The following NLRP5 variants were observed in gnomAD, a reference collection of about 807,000 sequenced individuals.
NLRP5 encodes NLR family pyrin domain containing 5.
In NLRP5, 93 loss-of-function variants were observed where a neutral mutation model predicts 113.1. The ratio of observed to expected loss-of-function variants is 0.82; its 90% CI spans 0.70 to 0.98. The LOEUF is 0.98. NLRP5 is among the 50% of genes least tolerant of loss of function. The pLI is 0.00. For synonymous variants in NLRP5, 751 were observed against 600.7 expected (o/e 1.25, Z -3.66); for missense variants, 1,808 against 1,514.3 (o/e 1.19, Z -3.22).
At chr19:56,055,668 C>G (rs1984114580) in intron 13 of NLRP5, among the ~76,000 whole-genome samples, 1 of 150,808 alleles carries the variant, frequency 6.6e-6, no homozygotes, top group Non-Finnish European at 1.5e-5. Context: ...GCCTCAGCCT[C>G]CCAAGTAGCT....
chr19:56,009,270 G>A (rs1982083790), intron 3 of NLRP5, among the ~76,000 whole-genome samples: 3 of 140,208 alleles, frequency 2.1e-5, no homozygotes, highest in South Asian at 2.3e-4. Context: ...GACCCGGTAG[G>A]CAGAGGTTGC....
the NLRP5 span, among the ~76,000 whole-genome samples, chr19:55,993,451 CCCCCTCTCT>C: frequency 0.27 from 369 of 1,392 alleles, 132 homozygotes; most frequent in African/African-American, 0.36. Flanking sequence ...CCCTCCTCTC[CCCCCTCTCT>C]CCCCCCTCTC....
chr19:56,041,422 C>CT (rs1599903218), intron 11 of NLRP5, among the ~76,000 whole-genome samples: 2 of 152,248 alleles, frequency 1.3e-5, no homozygotes, highest in East Asian at 3.9e-4. Context: ...GGTTAGCTTC[C>CT]TGTGAACCTC....
intron 11 of NLRP5, among the ~76,000 whole-genome samples, chr19:56,048,089 C>T (rs1321958559): frequency 1.3e-5 from 2 of 152,140 alleles, no homozygotes; most frequent in Admixed American, 6.6e-5. Flanking sequence ...TTTTGTACCC[C>T]TTTACTTTAT....
chr19:56,036,615 C>T (rs1026216998), intron 9 of NLRP5, among the ~76,000 whole-genome samples: 4 of 152,182 alleles, frequency 2.6e-5, no homozygotes, highest in South Asian at 4.1e-4. Flanking sequence ...TGTGCACACA[C>T]ACGGCAGGAG....
the NLRP5 span, among the ~76,000 whole-genome samples, chr19:55,992,018 C>A: frequency 6.6e-6 from 1 of 152,210 alleles, no homozygotes; most frequent in South Asian, 2.1e-4. Flanking sequence ...TCTCACCCTC[C>A]TCCCACCCTC....
At chr19:56,046,801 G>A (rs1310505944) in intron 11 of NLRP5, among the ~76,000 whole-genome samples, 6 of 152,192 alleles carry the variant, frequency 3.9e-5, no homozygotes, top group African/African-American at 1.4e-4. Flanking sequence ...CAAAGTGCTG[G>A]GATCACAGGC....
chr19:55,996,000 C>G (rs1482911238), upstream of NLRP5, among the ~76,000 whole-genome samples: 12 of 151,330 alleles, frequency 7.9e-5, no homozygotes, highest in Admixed American at 8.0e-4. Flanking sequence ...TATGTTGATT[C>G]TGCAACTTTA....
At chr19:55,995,703 C>G (rs2123253192), upstream of NLRP5, among the ~76,000 whole-genome samples, 1 of 151,824 alleles carries the variant, frequency 6.6e-6, no homozygotes, top group East Asian at 1.9e-4. Context: ...TAACAACATT[C>G]TTCTAATCAG....
intron 11 of NLRP5, among the ~76,000 whole-genome samples, chr19:56,048,685 C>A (rs1983814521): frequency 6.6e-6 from 1 of 152,078 alleles, no homozygotes; most frequent in Non-Finnish European, 1.5e-5. Flanking sequence ...AAGCTGATGA[C>A]AATGTGCCTA....
chr19:56,030,871 A>G (rs1289392481), intron 7 of NLRP5, among the ~76,000 whole-genome samples: 4 of 149,848 alleles, frequency 2.7e-5, no homozygotes, highest in East Asian at 3.9e-4. Context: ...CCACCACCAC[A>G]CCCGGCTAAC....
At chr19:55,998,076 T>C (rs892585233), upstream of NLRP5, among the ~76,000 whole-genome samples, 2 of 152,158 alleles carry the variant, frequency 1.3e-5, no homozygotes. Context: ...AAAACATCTT[T>C]TCCTGGAGGG....
At chr19:56,030,084 A>T (rs1456197127) in intron 7 of NLRP5, among the ~76,000 whole-genome samples, 1 of 147,686 alleles carries the variant, frequency 6.8e-6, no homozygotes, top group Non-Finnish European at 1.5e-5. Flanking sequence ...AAATTATCAC[A>T]TGGGGCTGGG....
At position 56,005,647 on chromosome 19, in the gene NLRP5, C is replaced by CGT. The variant is rs1224463483; in HGVS notation, c.442+1553_442+1554insTG. Among the ~76,000 whole-genome samples the CGT allele has an allele frequency of 4.7e-3, 709 of 150,422 alleles. 24 individuals are homozygous for CGT. Among genetic ancestry groups the CGT allele is most frequent in the African/African-American group, 0.016 (661 of 40,704 alleles). On this transcript the variant is annotated intron_variant, in intron 2 of 14. Transcript: ENST00000390649. ...TTATACACACACACACACACACGCGCGCAGGTGGCATGCCTGCACATCCGT... is the reference window on the plus strand; with the variant it reads ...TTATACACACACACACACACACGCGCGTGCAGGTGGCATGCCTGCACATCCGT...
At chr19:56,060,497 C>G (rs1472289745) in intron 14 of NLRP5, among the ~76,000 whole-genome samples, 3 of 152,056 alleles carry the variant, frequency 2.0e-5, no homozygotes, top group East Asian at 1.9e-4. Context: ...AGAATCTGCT[C>G]TAGTAGTTTT....
chr19:56,027,139 C>CT lies in NLRP5; in HGVS notation c.907dup (p.Trp303LeufsTer20). On this transcript the variant is annotated frameshift_variant, in exon 7 of 15. Coordinates refer to ENST00000390649, the MANE Select transcript of NLRP5 (RefSeq NM_153447.4). LOFTEE classifies it high-confidence loss of function. ...CTCTAGCCAGAAGGATCGTGCTGTG[C>CT]TGGGCGCAAGGTGGACTCTACCAGG... The CT allele has an allele frequency of 6.3e-7, 1 of 1,599,040 alleles. No individual in the cohort carries two copies. The highest frequency in any genetic ancestry group is 8.5e-7 in the Non-Finnish European group (1 of 1,172,948).
chr19:56,008,153 C>G (rs965185762), intron 2 of NLRP5, among the ~76,000 whole-genome samples: 4 of 151,530 alleles, frequency 2.6e-5, no homozygotes, highest in Non-Finnish European at 5.9e-5. Context: ...TGGTCTCGAT[C>G]TCCTGACCTC....
rs920471979 is a variant in NLRP5 at position 56,046,000 on chromosome 19, G to A, written c.2958-4418G>A. Among the ~76,000 whole-genome samples the A allele has an allele frequency of 2.6e-5, 4 of 152,178 alleles. 1 individual carries two copies. Among genetic ancestry groups the A allele is most frequent in the Admixed American group, 1.3e-4 (2 of 15,274 alleles). On this transcript the variant is annotated intron_variant, in intron 11 of 14. Coordinates refer to ENST00000390649, the MANE Select transcript of NLRP5 (RefSeq NM_153447.4). ...GAGGTCACCATGGCTTGACCATGGT[G>A]CATCCTGCTCAGAAGACCTCAGTCT...
chr19:56,015,839 G>T (rs1255071993), intron 4 of NLRP5, 41 bp downstream of exon 4: 2 of 1,489,842 alleles, frequency 1.3e-6, no homozygotes, highest in Admixed American at 4.1e-5. Flanking sequence ...CCTCCTGGAA[G>T]AAAGTTGGGT....
Sources: allele counts gnomAD v4.1 joint callset (sites outside exome capture counted in the v4.1 genomes callset), GRCh38; gene constraint gnomAD v4.1.1; transcripts MANE v1.5; gene names NCBI Gene and HGNC (gene_info 2026-07-23, HGNC 2026-07-21).